The following PVR variants were observed in gnomAD, a reference collection of about 807,000 sequenced individuals.
PVR encodes poliovirus receptor.
In PVR, 39 loss-of-function variants were observed where a neutral mutation model predicts 43.3. The observed-to-expected ratio is 0.90, with a 90% CI of 0.70 to 1.18. PVR has a LOEUF of 1.18. Among genes scored for constraint, PVR ranks in the 50% most tolerant of loss-of-function variants. The pLI, the probability that PVR is intolerant of heterozygous loss-of-function variation, is 0.00. For synonymous variants in PVR, 224 were observed against 233.2 expected (o/e 0.96, Z 0.36); for missense variants, 480 against 549.7 (o/e 0.87, Z 1.27).
At chr19:44,656,668 C>T (rs60948164) in intron 4 of PVR, among the ~76,000 whole-genome samples, 22,238 of 152,122 alleles carry the variant, frequency 0.15, 3,100 homozygotes, top group African/African-American at 0.37. Context: ...ATGGAGAAGA[C>T]AAAGCAGAGA....
Position 44,663,933 on chromosome 19 carries a change from AG to A in PVR, c.*2123del, listed in dbSNP as rs1973647752. ...CCATGCTAAGCTAATTTTTTTAATT[AG>A]ATAGTACATAAACGTCCCAAAATTA... On this transcript the variant is annotated 3_prime_UTR_variant, in exon 8 of 8. Transcript: ENST00000425690. Among the ~76,000 whole-genome samples the A allele has an allele frequency of 6.6e-6, 1 of 152,086 alleles. No individual in the cohort carries two copies. The highest frequency in any genetic ancestry group is 1.5e-5 in the Non-Finnish European group (1 of 68,008).
rs1972997393 is a variant in PVR, at chr19:44,643,941, A to G, written c.-156A>G. On this transcript the variant is annotated 5_prime_UTR_variant, in exon 1 of 8. Transcript: ENST00000425690. ...TTGTCTGGAGCTTGAAGAAGTGGGTATTCCCCTTCCCACCCCAGGCACTGG... is the reference window on the plus strand; with the variant it reads ...TTGTCTGGAGCTTGAAGAAGTGGGTGTTCCCCTTCCCACCCCAGGCACTGG... The G allele has an allele frequency of 1.8e-6, 1 of 544,088 alleles. No individual in the cohort carries two copies. Among genetic ancestry groups the G allele is most frequent in the African/African-American group, 2.1e-5 (1 of 48,714 alleles). 33.7% of individuals were successfully genotyped at this position (544,088 alleles called of 1,614,324 possible). A position where few individuals can be genotyped will look rare whatever the true frequency, so the allele number is the denominator to read the frequency against.
intron 5 of PVR, 108 bp downstream of exon 5, chr19:44,658,018 A>C: frequency 8.1e-7 from 1 of 1,239,156 alleles, no homozygotes; most frequent in Non-Finnish European, 1.1e-6. Flanking sequence ...CCTTCTCACA[A>C]AAGGACCAGT....
chr19:44,648,674 G>C (rs78161240), intron 2 of PVR, among the ~76,000 whole-genome samples: 8,769 of 151,684 alleles, frequency 0.058, 285 homozygotes, highest in African/African-American at 0.063. Flanking sequence ...GTTTTGTTTT[G>C]TTTTCTTTTC....
intron 5 of PVR, 59 bp downstream of exon 5, chr19:44,657,969 C>A: frequency 6.4e-7 from 1 of 1,562,520 alleles, no homozygotes; most frequent in South Asian, 1.1e-5. Flanking sequence ...AGGCAGGGTT[C>A]CCTGTCTAAT....
rs534809961 is a variant in PVR at position 44,643,980 on chromosome 19, C to T, written c.-117C>T. 3 of 766,058 alleles carry T rather than the reference C, an allele frequency of 3.9e-6. No individual in the cohort carries two copies. The highest frequency in any genetic ancestry group is 3.8e-4 in the Middle Eastern group (1 of 2,618). 47.5% of individuals were successfully genotyped at this position (766,058 alleles called of 1,614,324 possible). A position where few individuals can be genotyped will look rare whatever the true frequency, so the allele number is the denominator to read the frequency against. Reference sequence around the variant, plus strand: ...CCCAGGCACTGGAGGAGCGGCCCCCCGGGGATTCCAGGACCTGAGCTCCGG... The same window carrying T: ...CCCAGGCACTGGAGGAGCGGCCCCCTGGGGATTCCAGGACCTGAGCTCCGG... On this transcript the variant is annotated 5_prime_UTR_variant, in exon 1 of 8. Transcript: ENST00000425690.
At position 44,661,308 on chromosome 19, in the gene PVR, C is replaced by T. The variant is rs373411447; in HGVS notation, c.1167C>T (p.Ser389=). ...HLCPSSTEHA[S]ASANGHVSYS... The stretch of plus-strand genomic sequence containing the variant: ...TTTCCCCAGGTACAGAGCATGCCAG[C>T]GCCTCAGCTAATGGGGTAAGTGCAG... Residue 389 remains serine (S), a synonymous_variant, in exon 7 of 8, where the codon AGC becomes AGT. Coordinates refer to ENST00000425690, the MANE Select transcript of PVR (RefSeq NM_006505.5). The T allele has an allele frequency of 8.7e-6, 14 of 1,613,832 alleles. No individual in the cohort carries two copies. Among genetic ancestry groups the T allele is most frequent in the Middle Eastern group, 1.6e-4 (1 of 6,084 alleles).
intron 7 of PVR, 21 bp downstream of exon 7, chr19:44,661,344 A>G (rs569531982): frequency 6.2e-7 from 1 of 1,613,076 alleles, no homozygotes; most frequent in African/African-American, 1.3e-5. Context: ...TGTTGGAGCT[A>G]AGGAGGGTGT....
chr19:44,661,801 G>A lies in PVR; in HGVS notation c.1244G>A (p.Gly415Asp). 6.2e-7 allele frequency: 1 copy of A among 1,613,958 alleles called. No homozygotes were observed. Among genetic ancestry groups the A allele is most frequent in the Non-Finnish European group, 8.5e-7 (1 of 1,179,952 alleles). ...TCTTCCCAGGATCCACAGACAGAGG[G>A]CACAAGGTGACAGCGTCGGGACTGA... ...NSSSQDPQTE[G>D]TR The change falls in exon 8 of 8, where the codon GGC becomes GAC. Residue 415 changes from glycine (G) to aspartate (D), a missense_variant. Gly to Asp is a moderately conservative substitution (Grantham distance 94). Transcript: ENST00000425690.
rs1390135682 is a variant in PVR, at chr19:44,661,978, A to T, written c.*167A>T. The T allele has an allele frequency of 1.6e-6, 1 of 612,020 alleles. No individual in the cohort carries two copies. Among genetic ancestry groups the T allele is most frequent in the Non-Finnish European group, 2.9e-6 (1 of 345,896 alleles). 37.9% of individuals were successfully genotyped at this position (612,020 alleles called of 1,614,324 possible). A position where few individuals can be genotyped will look rare whatever the true frequency, so the allele number is the denominator to read the frequency against. The stretch of plus-strand genomic sequence containing the variant: ...AGGTGCAAGTTCATAGGTCTCCAAG[A>T]CCACCCTCCTTTCATTTGCTAGAAG... On this transcript the variant is annotated 3_prime_UTR_variant, in exon 8 of 8. Coordinates refer to ENST00000425690, the MANE Select transcript of PVR (RefSeq NM_006505.5).
At chr19:44,657,636 C>T in intron 4 of PVR, 126 bp from the exon 5 acceptor site, 1 of 899,066 alleles carries the variant, frequency 1.1e-6, no homozygotes. Context: ...GTTGGGGGGC[C>T]TCCAGAGTTG....
intron 5 of PVR, 93 bp downstream of exon 5, chr19:44,658,003 C>T: frequency 7.3e-7 from 1 of 1,365,628 alleles, no homozygotes; most frequent in African/African-American, 1.5e-5. Context: ...CATCCTTCTC[C>T]TAAGCCTTCT....
chr19:44,649,270 T>C (rs1386891784), intron 2 of PVR, among the ~76,000 whole-genome samples: 5 of 152,114 alleles, frequency 3.3e-5, no homozygotes, highest in Admixed American at 2.6e-4. Flanking sequence ...TGAGCGCTTA[T>C]TATATACCAT....
rs1187571750 is a variant in PVR at position 44,647,464 on chromosome 19, G to A, written c.321G>A (p.Ser107=). 1.2e-6 allele frequency: 2 copies of A among 1,614,100 alleles called. No homozygotes were observed. The highest frequency in any genetic ancestry group is 1.1e-5 in the South Asian group (1 of 91,068). Residue 107 remains serine, a synonymous_variant, in exon 2 of 8, where the codon TCG becomes TCA. Transcript: ENST00000425690. ...ARLGAELRNA[S]LRMFGLRVED... ...TGGGCGCGGAGCTGCGGAATGCCTC[G>A]CTGAGGATGTTCGGGTTGCGCGTAG...
At position 44,650,110 on chromosome 19, in the gene PVR, G is replaced by C; in HGVS notation, c.724+5G>C. The C allele has an allele frequency of 6.6e-7, 1 of 1,515,526 alleles. No homozygotes were observed. Among genetic ancestry groups the C allele is most frequent in the South Asian group, 1.3e-5 (1 of 76,310 alleles). 93.9% of individuals were successfully genotyped at this position (1,515,526 alleles called of 1,614,324 possible). On this transcript the variant is annotated splice_donor_5th_base_variant and intron_variant, in intron 3 of 7. Transcript: ENST00000425690. ...CTGTGAACCTCACCGTGTACTGTGA[G>C]TGTGCCCAAGTCAGCGATGGCAAGA...
intron 5 of PVR, 47 bp downstream of exon 5, chr19:44,657,957 C>T (rs1236150939): frequency 4.4e-6 from 7 of 1,592,632 alleles, no homozygotes; most frequent in Admixed American, 3.5e-5. Context: ...AGGAAGAGGT[C>T]GAGGCAGGGT....
Position 44,643,923 on chromosome 19 carries a change from G to C in PVR, c.-174G>C, listed in dbSNP as rs1374999111. 1.8e-6 allele frequency: 1 copy of C among 547,958 alleles called. No homozygotes were observed. The highest frequency in any genetic ancestry group is 3.1e-6 in the Non-Finnish European group (1 of 319,742). 33.9% of individuals were successfully genotyped at this position (547,958 alleles called of 1,614,324 possible). ...CCCCTCCGCTCCAGTCACTTGTCTG[G>C]AGCTTGAAGAAGTGGGTATTCCCCT... On this transcript the variant is annotated 5_prime_UTR_variant, in exon 1 of 8. Coordinates refer to ENST00000425690, the MANE Select transcript of PVR (RefSeq NM_006505.5).
intron 3 of PVR, among the ~76,000 whole-genome samples, chr19:44,653,033 A>G (rs1973325285): frequency 6.7e-6 from 1 of 148,774 alleles, no homozygotes. Flanking sequence ...ACAGATCTAG[A>G]CTAAGCTCCC....
chr19:44,659,757 C>T (rs1316128390), intron 6 of PVR, among the ~76,000 whole-genome samples: 1 of 152,236 alleles, frequency 6.6e-6, no homozygotes, highest in African/African-American at 2.4e-5. Flanking sequence ...GCTGGGATTA[C>T]AGGCATGAGC....
Sources: gnomAD v4.1 joint callset for allele counts (sites outside exome capture counted in the v4.1 genomes callset) on GRCh38, gnomAD v4.1.1 for gene constraint, MANE v1.5 for transcripts, NCBI Gene and HGNC (gene_info 2026-07-23, HGNC 2026-07-21) for gene names.